Variants in FARP1 observed in about 807,000 individuals in gnomAD.
FARP1 encodes FERM, ARHGEF and pleckstrin domain-containing protein 1.
FARP1 carries 52 observed loss-of-function variants against 128.8 expected under a neutral mutation model. That is an observed-to-expected ratio of 0.40 (90% CI 0.32 to 0.51). FARP1 has a LOEUF of 0.51. FARP1 is among the 20% of genes least tolerant of loss of function. FARP1 has a pLI of 0.45. For missense variants in FARP1, 1,333 were observed against 1,367.9 expected (o/e 0.97, Z 0.40); for synonymous variants, 580 against 551.8 (o/e 1.05, Z -0.72).
chr13:98,257,931 C>T (rs189840894), intron 2 of FARP1, among the ~76,000 whole-genome samples: 3 of 152,294 alleles, frequency 2.0e-5, no homozygotes, highest in Admixed American at 2.0e-4. Flanking sequence ...AGCCATTCCA[C>T]AGCGTGTACA....
chr13:98,305,851 A>G (rs573679736), intron 2 of FARP1, among the ~76,000 whole-genome samples: 5 of 132,842 alleles, frequency 3.8e-5, no homozygotes, highest in East Asian at 4.2e-4. Flanking sequence ...TTCTTGTATT[A>G]TTACTTTCCC....
At chr13:98,438,719 T>C (rs1222220447) in intron 19 of FARP1, 85 bp from the exon 20 acceptor site, 1 of 1,088,338 alleles carries the variant, frequency 9.2e-7, no homozygotes, top group African/African-American at 1.6e-5. Flanking sequence ...GGGCTACAAA[T>C]TTAGCCCTCG....
intron 2 of FARP1, among the ~76,000 whole-genome samples, chr13:98,239,485 C>T (rs1219718061): frequency 1.3e-5 from 2 of 152,158 alleles, no homozygotes; most frequent in African/African-American, 4.8e-5. Flanking sequence ...CTGTTTCATA[C>T]GATTTCTACA....
chr13:98,204,770 G>A (rs1203746218), intron 1 of FARP1, among the ~76,000 whole-genome samples: 4 of 152,112 alleles, frequency 2.6e-5, no homozygotes, highest in Non-Finnish European at 5.9e-5. Flanking sequence ...GACTAGCCTG[G>A]GCAACATAGC....
intron 3 of FARP1, among the ~76,000 whole-genome samples, chr13:98,354,530 A>C (rs1888564374): frequency 6.6e-6 from 1 of 152,222 alleles, no homozygotes. Flanking sequence ...GAAAGTTTAC[A>C]AAATGGAGAG....
rs1296542394 is a variant in FARP1, at chr13:98,446,711, A to T, written c.2950A>T (p.Thr984Ser). 3 of 1,614,122 alleles carry T rather than the reference A, an allele frequency of 1.9e-6. No individual in the cohort carries two copies. In the East Asian group the frequency reaches 6.7e-5, roughly 36 times the overall value. ...ASLPLLGYSL[T>S]IPSESENIQK... ...CCTGCCTCTGCTCGGCTACTCGCTC[A>T]CCATCCCCTCTGAGTCCGAGAACAT... The change falls in exon 26 of 27, where the codon ACC becomes TCC. Residue 984 changes from threonine (T) to serine (S), a missense_variant. Thr to Ser is a moderately conservative substitution (Grantham distance 58). Coordinates refer to ENST00000319562, the MANE Select transcript of FARP1 (RefSeq NM_005766.4).
chr13:98,213,496 C>G, intron 2 of FARP1, 83 bp downstream of exon 2: 1 of 1,420,904 alleles, frequency 7.0e-7, no homozygotes, highest in Non-Finnish European at 9.6e-7. Context: ...TTCCCATGGC[C>G]AGTGACATGA....
In FARP1 at chr13:98,448,863, C is replaced by CTGA. The variant is rs1052861769; in HGVS notation, c.*548_*550dup. 1.3e-5 allele frequency: 2 copies of CTGA among 152,236 alleles called. No homozygotes were observed. The highest frequency in any genetic ancestry group is 2.4e-5 in the African/African-American group (1 of 41,374). 9.4% of individuals were successfully genotyped at this position (152,236 alleles called of 1,614,324 possible). A position where few individuals can be genotyped will look rare whatever the true frequency, so the allele number is the denominator to read the frequency against. On this transcript the variant is annotated 3_prime_UTR_variant, in exon 27 of 27. Coordinates refer to ENST00000319562, the MANE Select transcript of FARP1 (RefSeq NM_005766.4). ...TAGGAAGTTAGTAGGACTCACTTCT[C>CTGA]TGATTAATAAGCAATTTGCAGCACA... is the stretch of plus-strand genomic sequence containing the variant.
At chr13:98,437,505 C>A (rs1394784340) in intron 19 of FARP1, among the ~76,000 whole-genome samples, 1 of 148,852 alleles carries the variant, frequency 6.7e-6, no homozygotes, top group African/African-American at 2.6e-5. Context: ...GAGGAGCTGA[C>A]TGCAAGGAGA....
intron 3 of FARP1, among the ~76,000 whole-genome samples, chr13:98,348,296 G>C (rs1276317831): frequency 6.6e-6 from 1 of 152,206 alleles, no homozygotes; most frequent in Admixed American, 6.5e-5. Flanking sequence ...CACAACAGAA[G>C]TGTTTTAATC....
intron 3 of FARP1, among the ~76,000 whole-genome samples, chr13:98,355,589 CCTTA>C (rs1311093258): frequency 6.6e-6 from 1 of 152,126 alleles, no homozygotes; most frequent in Non-Finnish European, 1.5e-5. Flanking sequence ...TTCAACAAGC[CCTTA>C]CTTAGGGCAA....
intron 2 of FARP1, among the ~76,000 whole-genome samples, chr13:98,292,016 A>C (rs1357890436): frequency 2.6e-5 from 4 of 152,224 alleles, no homozygotes; most frequent in African/African-American, 7.2e-5. Context: ...GGGTGGGTGG[A>C]TATTGAAAAG....
chr13:98,278,701 T>A (rs554347349), intron 2 of FARP1, among the ~76,000 whole-genome samples: 2 of 152,358 alleles, frequency 1.3e-5, no homozygotes, highest in African/African-American at 2.4e-5. Context: ...ACTTCTACAT[T>A]TCTACCTTGT....
chr13:98,359,227 C>T (rs918400922), intron 3 of FARP1, among the ~76,000 whole-genome samples: 9 of 152,128 alleles, frequency 5.9e-5, no homozygotes, highest in Non-Finnish European at 1.2e-4. Context: ...TGCCTTCATT[C>T]ATGTGTGAAG....
chr13:98,349,208 G>T (rs1888303242), intron 3 of FARP1, among the ~76,000 whole-genome samples: 1 of 152,180 alleles, frequency 6.6e-6, no homozygotes, highest in South Asian at 2.1e-4. Context: ...TCTGAGAAAT[G>T]AGAGGAATAA....
intron 2 of FARP1, among the ~76,000 whole-genome samples, chr13:98,217,815 C>T (rs1277693497): frequency 6.6e-6 from 1 of 152,232 alleles, no homozygotes; most frequent in African/African-American, 2.4e-5. Flanking sequence ...TCTTGTTCGT[C>T]ATCATATCCT....
At position 98,176,853 on chromosome 13, in the gene FARP1, G is replaced by T; in HGVS notation, c.-24+33361G>T. 1 of 1,610,558 alleles carries T rather than the reference G, an allele frequency of 6.2e-7. No homozygotes were observed. On this transcript the variant is annotated intron_variant, in intron 1 of 26. Coordinates refer to ENST00000319562, the MANE Select transcript of FARP1 (RefSeq NM_005766.4). This position sits in a 1 kb window ranked among gnomAD's most constrained non-coding sequence, Gnocchi z 6.2. ...CCTCCTGGACCCGCTGGCTGCACTT[G>T]AGGATGGTCGGCGTATGGTGCTCCT...
intron 5 of FARP1, among the ~76,000 whole-genome samples, chr13:98,375,458 G>A (rs1889540868): frequency 6.6e-6 from 1 of 152,108 alleles, no homozygotes; most frequent in Non-Finnish European, 1.5e-5. Context: ...CAACTACTTG[G>A]CTGTCCTGAA....
At chr13:98,442,885 G>A (rs1392572660) in intron 24 of FARP1, among the ~76,000 whole-genome samples, 1 of 152,234 alleles carries the variant, frequency 6.6e-6, no homozygotes, top group Non-Finnish European at 1.5e-5. Flanking sequence ...GACTCTCAAG[G>A]CTGGGGTTTG....
Sources: gnomAD v4.1 joint callset for allele counts (sites outside exome capture counted in the v4.1 genomes callset) on GRCh38, gnomAD v4.1.1 for gene constraint, Gnocchi (gnomAD v3.1) non-coding constraint, MANE v1.5 for transcripts, NCBI Gene and HGNC (gene_info 2026-07-23, HGNC 2026-07-21) for gene names.